The following CEP152 variants were observed in gnomAD, a reference collection of about 807,000 sequenced individuals.
The protein encoded by CEP152 is centrosomal protein 152.
In CEP152, 132 loss-of-function variants were observed where a neutral mutation model predicts 188.9. The observed-to-expected ratio is 0.70, with a 90% CI of 0.61 to 0.81. The LOEUF is 0.81. Ranked by LOEUF, CEP152 falls within the 30% of genes least tolerant of loss-of-function variation. The probability of loss-of-function intolerance (pLI) is 0.00; values close to 1 mark genes in which losing one functional copy is unlikely to be tolerated. For missense variants in CEP152, 1,914 were observed against 1,969.8 expected, an observed-to-expected ratio of 0.97 and a Z score of 0.54; for synonymous variants, 649 against 666.6, an observed-to-expected ratio of 0.97 and a Z score of 0.41.
At position 48,730,511 on chromosome 15, in the gene CEP152, C is replaced by T. The variant is rs376331627; in HGVS notation, c.142+11120G>A. 7.2e-4 allele frequency among the ~76,000 whole-genome samples: 110 copies of T among 152,222 alleles called. 2 individuals carry two copies. The South Asian group carries it at 0.022, about 30-fold the overall frequency. ...AAAACCTAAGAAAGCCCATGCTCAC[C>T]ACATATCCCTGAACTAATGAGGATG... On this transcript the variant is annotated intron_variant and NMD_transcript_variant, in intron 2 of 3. Coordinates refer to the CEP152 transcript ENST00000561245.
Position 48,767,395 on chromosome 15 carries a change from T to C in CEP152, c.2087A>G (p.Lys696Arg). Residue 696 changes from lysine (K) to arginine (R), a missense_variant, in exon 16 of 27, where the codon AAG (lysine) becomes AGG (arginine). Physicochemically the swap from Lys to Arg is conservative, Grantham distance 26. Transcript: ENST00000380950. Reference sequence around the variant, plus strand: ...GAGCTGCTGCTTCTCCAAAGCATGCTTTGCTAATAGGCTTTCACGTATTTG... The same window carrying C: ...GAGCTGCTGCTTCTCCAAAGCATGCCTTGCTAATAGGCTTTCACGTATTTG... ...KTQIRESLLA[K>R]HALEKQQLFE... The C allele has an allele frequency of 6.2e-7, 1 of 1,614,206 alleles. No individual in the cohort carries two copies. Among genetic ancestry groups the C allele is most frequent in the South Asian group, 1.1e-5 (1 of 91,080 alleles).
chr15:48,785,032 TTAAC>T (rs1312030065), intron 9 of CEP152, among the ~76,000 whole-genome samples: 4 of 152,144 alleles, frequency 2.6e-5, no homozygotes, highest in Non-Finnish European at 4.4e-5. Context: ...GTTAAGTTGA[TTAAC>T]TGAAATTACC....
intron 2 of CEP152, among the ~76,000 whole-genome samples, chr15:48,731,403 C>T (rs1383499230): frequency 6.6e-6 from 1 of 152,034 alleles, no homozygotes; most frequent in Non-Finnish European, 1.5e-5. Flanking sequence ...TTAAAATAGT[C>T]ACGTTTTTCC....
intron 1 of CEP152, among the ~76,000 whole-genome samples, chr15:48,808,956 A>G (rs74012163): frequency 0.013 from 1,950 of 152,258 alleles, 39 homozygotes; most frequent in African/African-American, 0.044. Flanking sequence ...TTCTTCCTAG[A>G]TAACTTTTTC....
At chr15:48,757,391 G>A (rs548186800) in intron 19 of CEP152, among the ~76,000 whole-genome samples, 1 of 152,300 alleles carries the variant, frequency 6.6e-6, no homozygotes, top group Non-Finnish European at 1.5e-5. Context: ...TCCATTTAAA[G>A]TACTTAGCCC....
chr15:48,751,817 A>G (rs1032819251), intron 21 of CEP152, among the ~76,000 whole-genome samples: 8 of 152,208 alleles, frequency 5.3e-5, no homozygotes, highest in African/African-American at 1.9e-4. Flanking sequence ...CTAGTACAGT[A>G]TAAGAATTCT....
chr15:48,762,771 A>C, intron 17 of CEP152, 99 bp from the exon 18 acceptor site: 1 of 1,146,964 alleles, frequency 8.7e-7, no homozygotes, highest in Non-Finnish European at 1.3e-6. Context: ...CTGTGTTTGA[A>C]AACCATCTAG....
intron 18 of CEP152, 96 bp from the exon 19 acceptor site, chr15:48,760,362 T>C (rs1894591494): frequency 7.1e-7 from 1 of 1,406,464 alleles, no homozygotes; most frequent in South Asian, 1.2e-5. Flanking sequence ...TATTTTATAC[T>C]GTATATCACT....
Position 48,768,338 on chromosome 15 carries a change from A to G in CEP152, c.1909-10T>C. The G allele has an allele frequency of 7.0e-7, 1 of 1,436,386 alleles. No individual in the cohort carries two copies. Among genetic ancestry groups the G allele is most frequent in the South Asian group, 1.1e-5 (1 of 87,310 alleles). 89.0% of individuals were successfully genotyped at this position (1,436,386 alleles called of 1,614,324 possible). On this transcript the variant is annotated splice_polypyrimidine_tract_variant and intron_variant, in intron 14 of 26. Coordinates refer to ENST00000380950, the MANE Select transcript of CEP152 (RefSeq NM_001194998.2). ...CAGTTTCTTTAAGTTCCTAGACACAAAAGAATAAACTTAGTACTTACAGAA... is the reference window on the plus strand; with the variant it reads ...CAGTTTCTTTAAGTTCCTAGACACAGAAGAATAAACTTAGTACTTACAGAA...
chr15:48,791,840 T>A (rs974667745), intron 7 of CEP152, among the ~76,000 whole-genome samples: 1 of 151,178 alleles, frequency 6.6e-6, no homozygotes, highest in African/African-American at 2.4e-5. Flanking sequence ...TTATTAAAAA[T>A]TAAAAATTAA....
intron 2 of CEP152, among the ~76,000 whole-genome samples, chr15:48,798,652 T>C (rs551540354): frequency 2.0e-5 from 3 of 152,148 alleles, no homozygotes; most frequent in Non-Finnish European, 2.9e-5. Flanking sequence ...AAAAGAAGAG[T>C]TGGAAGACTG....
chr15:48,774,471 G>C (rs374175021), intron 12 of CEP152, among the ~76,000 whole-genome samples: 4 of 152,070 alleles, frequency 2.6e-5, no homozygotes, highest in Non-Finnish European at 5.9e-5. Flanking sequence ...GAAGACTCCC[G>C]GAGAGAAAAG....
At chr15:48,771,480 T>C (rs756460201) in intron 13 of CEP152, among the ~76,000 whole-genome samples, 7 of 152,136 alleles carry the variant, frequency 4.6e-5, no homozygotes, top group African/African-American at 9.7e-5. Context: ...TCATAGAAAA[T>C]ACTACAGGAT....
rs1895462018 is a variant in CEP152 at position 48,770,618 on chromosome 15, A to G, written c.1783-1537T>C. Among the ~76,000 whole-genome samples, 3 of 152,186 alleles carry G rather than the reference A, an allele frequency of 2.0e-5. No homozygotes were observed. The South Asian group carries it at 6.2e-4, about 31-fold the overall frequency. ...CTCCCACCAAAATGCTTAAACTAAT[A>G]AACTCTAATGTCTTAATGCAAATTG... On this transcript the variant is annotated intron_variant, in intron 13 of 26. Coordinates refer to ENST00000380950, the MANE Select transcript of CEP152 (RefSeq NM_001194998.2).
At chr15:48,784,255 G>A (rs1249020562) in intron 9 of CEP152, 135 bp from the exon 10 acceptor site, 1 of 835,412 alleles carries the variant, frequency 1.2e-6, no homozygotes, top group Non-Finnish European at 1.9e-6. Flanking sequence ...CTTTTACAAG[G>A]TAAAGTGCAC....
At chr15:48,799,107 A>G (rs1471017333) in intron 2 of CEP152, among the ~76,000 whole-genome samples, 1 of 152,122 alleles carries the variant, frequency 6.6e-6, no homozygotes, top group African/African-American at 2.4e-5. Context: ...CAAACCCCAT[A>G]ACATTGTGCA....
At chr15:48,789,320 A>C in intron 8 of CEP152, 1 of 406,084 alleles carries the variant, frequency 2.5e-6, no homozygotes, top group South Asian at 2.4e-5. Context: ...TGATGGCCCC[A>C]GTGCTGTTTG....
chr15:48,758,473 T>C (rs2140685458), intron 19 of CEP152, among the ~76,000 whole-genome samples: 1 of 152,174 alleles, frequency 6.6e-6, no homozygotes, highest in East Asian at 1.9e-4. Context: ...ATCCCAGCAC[T>C]TTGGGAGGCC....
At chr15:48,762,329 A>G in intron 18 of CEP152, 62 bp downstream of exon 18, 8 of 1,415,606 alleles carry the variant, frequency 5.7e-6, no homozygotes, top group Non-Finnish European at 8.0e-6. Flanking sequence ...ATAGCATTGT[A>G]TGGGTTTTCA....
Sources: gnomAD v4.1 joint callset for allele counts (sites outside exome capture counted in the v4.1 genomes callset) on GRCh38, gnomAD v4.1.1 for gene constraint, MANE v1.5 for transcripts, NCBI Gene and HGNC (gene_info 2026-07-23, HGNC 2026-07-21) for gene names.